MED1: variants seen among roughly 807,000 people sequenced by gnomAD.
The protein encoded by MED1 is mediator of RNA polymerase II transcription subunit 1.
In MED1, 17 loss-of-function variants were observed where a neutral mutation model predicts 121.3. The observed-to-expected ratio is 0.14, with a 90% CI of 0.10 to 0.21. The LOEUF is 0.21. Among genes scored for constraint, MED1 ranks in the 10% least tolerant of loss-of-function variants. The pLI is 1.00. For missense variants in MED1, 1,558 were observed against 1,919.4 expected (o/e 0.81, Z 3.52); for synonymous variants, 661 against 694.4 (o/e 0.95, Z 0.76).
At chr17:39,423,935 T>C in intron 11 of MED1, 114 bp from the exon 12 acceptor site, 2 of 1,235,306 alleles carry the variant, frequency 1.6e-6, no homozygotes, top group Non-Finnish European at 1.1e-6. Context: ...CAGGCTAGAG[T>C]GCAATGGCGT....
intron 9 of MED1, among the ~76,000 whole-genome samples, chr17:39,428,850 G>A (rs2048538873): frequency 6.6e-6 from 1 of 151,148 alleles, no homozygotes; most frequent in Non-Finnish European, 1.5e-5. Flanking sequence ...TACTCGGGAG[G>A]CTGTGACAGG....
rs376363154 is a variant in MED1, at chr17:39,405,883, C to T, written c.*1592G>A. ...ATATATGATGAAGTCACTCCACTTA[C>T]GACATAACACACAAAGGAATCACCT... On this transcript the variant is annotated 3_prime_UTR_variant, in exon 17 of 17. Transcript: ENST00000300651. The T allele has an allele frequency of 3.0e-6, 3 of 985,178 alleles. No homozygotes were observed. The highest frequency in any genetic ancestry group is 4.7e-5 in the South Asian group (1 of 21,290). The allele number at this position is 985,178 out of a possible 1,614,324, so 61.0% of individuals were successfully genotyped here. A position where few individuals can be genotyped will look rare whatever the true frequency, so the allele number is the denominator to read the frequency against.
chr17:39,414,854 G>C (rs71369756), intron 16 of MED1, among the ~76,000 whole-genome samples, 172 bp downstream of exon 16: 3 of 151,334 alleles, frequency 2.0e-5, no homozygotes, highest in Non-Finnish European at 4.4e-5. Context: ...ATTTTTAGTA[G>C]AGATGGGGGT....
intron 13 of MED1, among the ~76,000 whole-genome samples, chr17:39,420,301 G>A (rs1028143495): frequency 1.3e-5 from 2 of 149,032 alleles, no homozygotes; most frequent in African/African-American, 5.0e-5. Context: ...CCGAGTTCAT[G>A]CCATTCTCCT....
At chr17:39,438,337 A>ATTTT (rs1185343270) in intron 6 of MED1, among the ~76,000 whole-genome samples, 1 of 58,928 alleles carries the variant, frequency 1.7e-5, no homozygotes, top group African/African-American at 6.2e-5. Flanking sequence ...TGCCTGGCTA[A>ATTTT]TTTTTTTTTT....
intron 2 of MED1, among the ~76,000 whole-genome samples, chr17:39,444,688 G>C (rs2048709336): frequency 6.6e-6 from 1 of 151,964 alleles, no homozygotes; most frequent in South Asian, 2.1e-4. Flanking sequence ...GGCCAACATA[G>C]TGAAACCCCA....
intron 14 of MED1, among the ~76,000 whole-genome samples, chr17:39,417,631 AAAAC>A (rs1448596326): frequency 2.6e-5 from 4 of 152,172 alleles, no homozygotes; most frequent in Admixed American, 2.6e-4. Context: ...TCCGTCTCAA[AAAAC>A]AAACAAAAAA....
intron 16 of MED1, among the ~76,000 whole-genome samples, chr17:39,412,918 T>C (rs998487402): frequency 2.6e-5 from 4 of 152,152 alleles, no homozygotes; most frequent in Non-Finnish European, 5.9e-5. Context: ...CAATATTAAC[T>C]AGAAATCTGC....
Position 39,427,720 on chromosome 17 carries a change from G to A in MED1, c.720C>T (p.Ile240=). 2 of 1,599,254 alleles carry A rather than the reference G, an allele frequency of 1.3e-6. No homozygotes were observed. ...TCTTACCATTATTCTCATGCAAAAT[G>A]ATGGGAGATGCAGTCTTGTCATCCA... ...DLLDDKTASP[I]ILHENNVSRS... is the part of the protein sequence containing the mutation. Residue 240 remains isoleucine, a synonymous_variant, in exon 10 of 17, where the codon ATC becomes ATT. Coordinates refer to ENST00000300651, the MANE Select transcript of MED1 (RefSeq NM_004774.4).
At chr17:39,436,223 T>G (rs1051459081) in intron 6 of MED1, among the ~76,000 whole-genome samples, 3 of 151,830 alleles carry the variant, frequency 2.0e-5, no homozygotes, top group Non-Finnish European at 4.4e-5. Flanking sequence ...TATCCGGGCA[T>G]GGTGGCAGGT....
intron 13 of MED1, 101 bp downstream of exon 13, chr17:39,423,226 T>C (rs2048484140): frequency 4.6e-6 from 4 of 863,184 alleles, no homozygotes; most frequent in Admixed American, 4.2e-5. Context: ...TCCAGCAGTC[T>C]TGAAGAAACT....
At position 39,405,394 on chromosome 17, in the gene MED1, G is replaced by A; in HGVS notation, c.*2081C>T. ...CCCTGCATGGGGGAGCTGAGCCCAT[G>A]ATACTATTCAGTACATTCCCCCTAA... On this transcript the variant is annotated 3_prime_UTR_variant, in exon 17 of 17. Coordinates refer to ENST00000300651, the MANE Select transcript of MED1 (RefSeq NM_004774.4). The A allele has an allele frequency of 1.9e-6, 3 of 1,546,372 alleles. No homozygotes were observed. Among genetic ancestry groups the A allele is most frequent in the Non-Finnish European group, 2.6e-6 (3 of 1,144,184 alleles).
intron 1 of MED1, among the ~76,000 whole-genome samples, chr17:39,450,170 G>A (rs1295711008): frequency 1.3e-5 from 2 of 151,582 alleles, no homozygotes; most frequent in African/African-American, 2.4e-5. Flanking sequence ...GGCTGGTCGC[G>A]AACTCCTGGG....
intron 6 of MED1, among the ~76,000 whole-genome samples, chr17:39,437,192 A>G (rs1449906084): frequency 6.6e-6 from 1 of 152,144 alleles, no homozygotes; most frequent in Non-Finnish European, 1.5e-5. Flanking sequence ...TCGGCTTCCC[A>G]AAGTGCTGGG....
Position 39,408,141 on chromosome 17 carries a change from T to C in MED1, c.4080A>G (p.Lys1360=). 6.2e-7 allele frequency: 1 copy of C among 1,614,104 alleles called. No homozygotes were observed. The highest frequency in any genetic ancestry group is 8.5e-7 in the Non-Finnish European group (1 of 1,180,040). Residue 1360 remains lysine (K), a synonymous_variant, in exon 17 of 17, where the codon AAA becomes AAG. Coordinates refer to ENST00000300651, the MANE Select transcript of MED1 (RefSeq NM_004774.4). The surrounding 1 kb of genome is among the most constrained non-coding windows in gnomAD (Gnocchi z 4.7). ...EFQGKREKSD[K]DKSKVSTSGS... ...CGGAGGTGGAAACCTTTGATTTGTCTTTATCACTTTTCTCACGCTTGCCCT... is the reference window on the plus strand; with the variant it reads ...CGGAGGTGGAAACCTTTGATTTGTCCTTATCACTTTTCTCACGCTTGCCCT...
At chr17:39,427,650 C>A in intron 10 of MED1, 51 bp downstream of exon 10, 1 of 1,359,346 alleles carries the variant, frequency 7.4e-7, no homozygotes, top group Non-Finnish European at 1.0e-6. Context: ...AAATTAAAGG[C>A]AAGCTGGGCA....
chr17:39,429,141 C>T (rs1407377755), intron 9 of MED1, among the ~76,000 whole-genome samples: 1 of 151,116 alleles, frequency 6.6e-6, no homozygotes, highest in East Asian at 2.0e-4. Flanking sequence ...GTTATGACTG[C>T]ACCACTGCAC....
chr17:39,442,688 C>A (rs1302606926), intron 3 of MED1, among the ~76,000 whole-genome samples: 1 of 150,902 alleles, frequency 6.6e-6, no homozygotes, highest in Non-Finnish European at 1.5e-5. Context: ...GGGCAGATCA[C>A]CTGAGGTCAA....
chr17:39,410,228 G>A lies in MED1; in HGVS notation c.1993C>T (p.Pro665Ser). 8 of 1,613,882 alleles carry A rather than the reference G, an allele frequency of 5.0e-6. No individual in the cohort carries two copies. Among genetic ancestry groups the A allele is most frequent in the Non-Finnish European group, 6.8e-6 (8 of 1,179,972 alleles). Residue 665 changes from proline (P) to serine (S), a missense_variant, in exon 17 of 17, where the codon CCT (proline) becomes TCT (serine). This residue lies in a region of MED1 where 793 missense variants were observed against 898.2 expected (regional missense o/e 0.88). Coordinates refer to ENST00000300651, the MANE Select transcript of MED1 (RefSeq NM_004774.4). ...QDFSTLYGSS[P>S]LERQNSSSGS... ...GAAGAGGAGTTCTGCCTTTCTAAAG[G>A]GCTGCTTCCATAAAGGGTTGAGAAA...
Sources: allele counts gnomAD v4.1 joint callset (sites outside exome capture counted in the v4.1 genomes callset), GRCh38; gene constraint gnomAD v4.1.1; regional missense constraint gnomAD v4.1.1; non-coding constraint Gnocchi (gnomAD v3.1); transcripts MANE v1.5; gene names NCBI Gene and HGNC (gene_info 2026-07-23, HGNC 2026-07-21).